The following PCDHGB2 variants were observed in gnomAD, a reference collection of about 807,000 sequenced individuals.
PCDHGB2 encodes the protein protocadherin gamma subfamily B, 2.
PCDHGB2 carries 55 observed loss-of-function variants against 59.3 expected under a neutral mutation model. The ratio of observed to expected loss-of-function variants is 0.93; its 90% CI spans 0.75 to 1.16. The LOEUF is 1.16. Ranked by LOEUF, PCDHGB2 falls within the 50% of genes most tolerant of loss-of-function variation. The pLI, the probability that PCDHGB2 is intolerant of heterozygous loss-of-function variation, is 0.00. For synonymous variants in PCDHGB2, 516 were observed against 512.0 expected (o/e 1.01, Z -0.11); for missense variants, 1,228 against 1,198.5 (o/e 1.02, Z -0.36).
chr5:141,487,675 A>G lies in PCDHGB2; in HGVS notation c.2422-7132A>G, dbSNP rs752606441. ...GTTATTCTGATCCAGGCATATGGCT[A>G]GGCCATGTCCTAGAGAGTACTGGCC... On this transcript the variant is annotated intron_variant, in intron 1 of 3. Transcript: ENST00000522605. This position sits in a 1 kb window ranked among gnomAD's most constrained non-coding sequence, Gnocchi z 5.0. 22 of 1,611,038 alleles carry G rather than the reference A, an allele frequency of 1.4e-5. No individual in the cohort carries two copies. Among genetic ancestry groups the G allele is most frequent in the Non-Finnish European group, 1.7e-5 (20 of 1,178,458 alleles).
Position 141,501,330 on chromosome 5 carries a change from CA to C in PCDHGB2, c.2481-4062del, listed in dbSNP as rs1562200936. 1.8e-3 allele frequency among the ~76,000 whole-genome samples: 266 copies of C among 151,500 alleles called. 1 individual carries two copies. Among genetic ancestry groups the C allele is most frequent in the African/African-American group, 5.1e-3 (210 of 41,250 alleles). On this transcript the variant is annotated intron_variant, in intron 2 of 3. Transcript: ENST00000522605. ...ACACACACACACACACACACACACACACACCCCAAACTCAATAGGGCAAGAA... is the reference window on the plus strand; with the variant it reads ...ACACACACACACACACACACACACACCACCCCAAACTCAATAGGGCAAGAA...
chr5:141,497,960 C>T (rs946836523), intron 2 of PCDHGB2, among the ~76,000 whole-genome samples: 24 of 152,202 alleles, frequency 1.6e-4, no homozygotes, highest in African/African-American at 5.8e-4. Flanking sequence ...GTTGGCCAGG[C>T]AGTGTTCTCG....
intron 1 of PCDHGB2, chr5:141,364,424 C>G: frequency 1.9e-6 from 3 of 1,613,572 alleles, no homozygotes; most frequent in Non-Finnish European, 1.7e-6. Flanking sequence ...CGGGCAGATC[C>G]GCTACTCGAT....
At chr5:141,370,324 C>T (rs1766812702) in intron 1 of PCDHGB2, 1 of 1,378,622 alleles carries the variant, frequency 7.3e-7, no homozygotes, top group African/African-American at 1.4e-5. Flanking sequence ...TGGTCCTGCT[C>T]GGAGAACTCT....
In PCDHGB2 at chr5:141,405,345, A is replaced by G. The variant is rs758657243; in HGVS notation, c.2421+42789A>G. 3 of 1,613,944 alleles carry G rather than the reference A, an allele frequency of 1.9e-6. No homozygotes were observed. In the South Asian group the frequency reaches 3.3e-5, roughly 18 times the overall value. On this transcript the variant is annotated intron_variant, in intron 1 of 3. Coordinates refer to ENST00000522605, the MANE Select transcript of PCDHGB2 (RefSeq NM_018923.3). ...CCTTTGTGCGTCTCTGTTGATTCCA[A>G]GTTTCCTATAGAAGACACCCCTTTG...
chr5:141,409,357 T>A, intron 1 of PCDHGB2: 2 of 1,613,968 alleles, frequency 1.2e-6, no homozygotes, highest in Non-Finnish European at 1.7e-6. Context: ...TCAGGTGTAA[T>A]ATAGAAACAG....
At chr5:141,386,183 A>G (rs201653759) in intron 1 of PCDHGB2, among the ~76,000 whole-genome samples, 1 of 152,230 alleles carries the variant, frequency 6.6e-6, no homozygotes, top group East Asian at 1.9e-4. Context: ...CATCTTATGT[A>G]CACAGATCCT....
intron 1 of PCDHGB2, among the ~76,000 whole-genome samples, chr5:141,437,164 T>C (rs1262289843): frequency 1.3e-5 from 2 of 152,226 alleles, no homozygotes; most frequent in Non-Finnish European, 2.9e-5. Flanking sequence ...GTGTTGATTG[T>C]TTTCTGAGAC....
At chr5:141,454,625 C>T (rs1193628253) in intron 1 of PCDHGB2, among the ~76,000 whole-genome samples, 2 of 151,512 alleles carry the variant, frequency 1.3e-5, no homozygotes, top group East Asian at 1.9e-4. Flanking sequence ...AGGCTGGTCT[C>T]GAACCCCCAA....
intron 1 of PCDHGB2, among the ~76,000 whole-genome samples, chr5:141,482,592 C>T (rs187714622): frequency 1.0e-4 from 15 of 142,934 alleles, no homozygotes; most frequent in East Asian, 6.1e-4. Context: ...TGGGACCAAA[C>T]GGGAAAAAAC....
rs531285035 is a variant in PCDHGB2, at chr5:141,493,409, C to T, written c.2422-1398C>T. Among the ~76,000 whole-genome samples, 4 of 152,286 alleles carry T rather than the reference C, an allele frequency of 2.6e-5. No homozygotes were observed. The East Asian group carries it at 7.7e-4, about 29-fold the overall frequency. On this transcript the variant is annotated intron_variant, in intron 1 of 3. Coordinates refer to ENST00000522605, the MANE Select transcript of PCDHGB2 (RefSeq NM_018923.3). The surrounding 1 kb of genome is among the most constrained non-coding windows in gnomAD (Gnocchi z 4.3). Reference sequence around the variant, plus strand: ...GGACAGGAGAGGGGAGTTGCCTCTGCTGGGATTTTGCTTCTGCTGGGATGG... The same window carrying T: ...GGACAGGAGAGGGGAGTTGCCTCTGTTGGGATTTTGCTTCTGCTGGGATGG...
chr5:141,491,612 G>A lies in PCDHGB2; in HGVS notation c.2422-3195G>A, dbSNP rs759955730. ...GACGGCAGTGACTTCACTTTTCTAAGACCCCTCAGCGTTCAGCAGCCCACA... is the reference window on the plus strand; with the variant it reads ...GACGGCAGTGACTTCACTTTTCTAAAACCCCTCAGCGTTCAGCAGCCCACA... On this transcript the variant is annotated intron_variant, in intron 1 of 3. Coordinates refer to ENST00000522605, the MANE Select transcript of PCDHGB2 (RefSeq NM_018923.3). The surrounding 1 kb of genome is among the most constrained non-coding windows in gnomAD (Gnocchi z 6.9). 6.2e-7 allele frequency: 1 copy of A among 1,613,906 alleles called. No individual in the cohort carries two copies. The highest frequency in any genetic ancestry group is 8.5e-7 in the Non-Finnish European group (1 of 1,180,026).
In PCDHGB2 at chr5:141,489,872, T is replaced by A. The variant is rs2099693206; in HGVS notation, c.2422-4935T>A. 1 of 1,614,090 alleles carries A rather than the reference T, an allele frequency of 6.2e-7. No homozygotes were observed. The highest frequency in any genetic ancestry group is 8.5e-7 in the Non-Finnish European group (1 of 1,180,016). On this transcript the variant is annotated intron_variant, in intron 1 of 3. Coordinates refer to ENST00000522605, the MANE Select transcript of PCDHGB2 (RefSeq NM_018923.3). The surrounding 1 kb of genome is among the most constrained non-coding windows in gnomAD (Gnocchi z 4.5). ...GAAGCCCAGGCAAGACATCAGCTGG[T>A]GCTTACTGCTGTGGATGGGGGGACC...
At position 141,476,902 on chromosome 5, in the gene PCDHGB2, C is replaced by T. The variant is rs1399250599; in HGVS notation, c.2422-17905C>T. ...TGGAGGATGCACCCTCCGGCACGCG[C>T]GTGGTACAAGTCCTTGCAACGGATC... On this transcript the variant is annotated intron_variant, in intron 1 of 3. Transcript: ENST00000522605. This position sits in a 1 kb window ranked among gnomAD's most constrained non-coding sequence, Gnocchi z 7.6. 2 of 1,613,998 alleles carry T rather than the reference C, an allele frequency of 1.2e-6. No individual in the cohort carries two copies. The highest frequency in any genetic ancestry group is 1.7e-6 in the Non-Finnish European group (2 of 1,180,034).
At chr5:141,389,320 T>TG (rs764190187) in intron 1 of PCDHGB2, 4 of 1,613,964 alleles carry the variant, frequency 2.5e-6, no homozygotes, top group Non-Finnish European at 3.4e-6. Context: ...GATCCGGACT[T>TG]GGGGCCCAAC....
At chr5:141,472,884 G>A (rs1426207609) in intron 1 of PCDHGB2, among the ~76,000 whole-genome samples, 2 of 151,610 alleles carry the variant, frequency 1.3e-5, no homozygotes, top group African/African-American at 4.8e-5. Flanking sequence ...TACTCGGGAG[G>A]CTGAGGCAGG....
intron 2 of PCDHGB2, among the ~76,000 whole-genome samples, chr5:141,497,865 A>G (rs1248242691): frequency 2.0e-5 from 3 of 152,168 alleles, no homozygotes; most frequent in Admixed American, 2.0e-4. Flanking sequence ...CAGCGGCTCC[A>G]AAGTGAAATA....
chr5:141,364,451 A>AAAGGCTC, intron 1 of PCDHGB2: 1 of 1,613,974 alleles, frequency 6.2e-7, no homozygotes, highest in Non-Finnish European at 8.5e-7. Context: ...GGAGCTGGAC[A>AAAGGCTC]AAGGCTCCTT....
chr5:141,420,465 A>G, intron 1 of PCDHGB2: 1 of 807,604 alleles, frequency 1.2e-6, no homozygotes. Context: ...ATTCAAAGAC[A>G]TTTTAAAGCA....
Sources: allele counts gnomAD v4.1 joint callset (sites outside exome capture counted in the v4.1 genomes callset), GRCh38; gene constraint gnomAD v4.1.1; non-coding constraint Gnocchi (gnomAD v3.1); transcripts MANE v1.5; gene names NCBI Gene and HGNC (gene_info 2026-07-23, HGNC 2026-07-21).